The following HSPA12A variants were observed in gnomAD, a reference collection of about 807,000 sequenced individuals.
HSPA12A encodes heat shock 70 kDa protein 12A.
A neutral mutation model predicts 69.2 loss-of-function variants in HSPA12A; 28 were observed. The observed-to-expected ratio is 0.40, with a 90% CI of 0.30 to 0.55. The LOEUF is 0.55. Ranked by LOEUF, HSPA12A falls within the 20% of genes least tolerant of loss-of-function variation. HSPA12A has a pLI of 0.38. For synonymous variants in HSPA12A, 345 were observed against 370.5 expected (o/e 0.93, Z 0.79); for missense variants, 686 against 900.7 (o/e 0.76, Z 3.05).
Position 116,813,469 on chromosome 10 carries a change from G to A in HSPA12A, c.91+21466C>T, listed in dbSNP as rs570678325. 5.9e-5 allele frequency among the ~76,000 whole-genome samples: 9 copies of A among 151,872 alleles called. No homozygotes were observed. In the South Asian group the frequency reaches 1.9e-3, roughly 32 times the overall value. On this transcript the variant is annotated intron_variant, in intron 2 of 12. Coordinates refer to the HSPA12A transcript ENST00000635765. ...TCACCGTGTTAGCCAGGATGGTCTT[G>A]ATCTCCTGACCTCGTGATCCACCCG...
chr10:116,789,375 G>C (rs1198133709), intron 2 of HSPA12A, among the ~76,000 whole-genome samples: 1 of 152,094 alleles, frequency 6.6e-6, no homozygotes. Context: ...AGAAGAAAAT[G>C]TTTCTTGAAG....
chr10:116,755,032 C>A (rs576874298), intron 2 of HSPA12A, among the ~76,000 whole-genome samples: 4 of 152,276 alleles, frequency 2.6e-5, no homozygotes, highest in African/African-American at 9.6e-5. Context: ...TAGCTCCCTG[C>A]AGCCTTTGCC....
rs937274555 is a variant in HSPA12A at position 116,784,182 on chromosome 10, C to A, written c.91+50753G>T. ...GCCAATCCCATTTCCTCTTCCTGGACACACAAAAGTCACATTTCCCAGCTT... is the reference window on the plus strand; with the variant it reads ...GCCAATCCCATTTCCTCTTCCTGGAAACACAAAAGTCACATTTCCCAGCTT... On this transcript the variant is annotated intron_variant, in intron 2 of 12. Coordinates refer to the HSPA12A transcript ENST00000635765. 3.9e-5 allele frequency among the ~76,000 whole-genome samples: 6 copies of A among 152,366 alleles called. No individual in the cohort carries two copies. In the East Asian group the frequency reaches 7.7e-4, roughly 20 times the overall value.
chr10:116,784,564 A>G (rs1844535435), intron 2 of HSPA12A, among the ~76,000 whole-genome samples: 1 of 152,252 alleles, frequency 6.6e-6, no homozygotes, highest in Non-Finnish European at 1.5e-5. Context: ...GAATGAATGA[A>G]TGAATGGATG....
At position 116,784,795 on chromosome 10, in the gene HSPA12A, T is replaced by A. The variant is rs1235745951; in HGVS notation, c.91+50140A>T. 3.4e-5 allele frequency among the ~76,000 whole-genome samples: 5 copies of A among 146,014 alleles called. No individual in the cohort carries two copies. In the South Asian group the frequency reaches 1.0e-3, roughly 30 times the overall value. ...CCTTCCCTGGGATCTTTGGACTAGA[T>A]GGGATAAATAGAAATCAACATAGAC... On this transcript the variant is annotated intron_variant, in intron 2 of 12. Transcript: ENST00000635765.
chr10:116,697,988 T>C (rs912919530), intron 5 of HSPA12A, among the ~76,000 whole-genome samples: 1 of 152,194 alleles, frequency 6.6e-6, no homozygotes, highest in African/African-American at 2.4e-5. Context: ...GGTTTCTCCA[T>C]GTGGTAGGAT....
chr10:116,705,418 C>A, intron 2 of HSPA12A, 140 bp from the exon 3 acceptor site: 1 of 1,061,570 alleles, frequency 9.4e-7, no homozygotes, highest in South Asian at 1.4e-5. Context: ...TCAAGTCTAC[C>A]ACCTGGGGAG....
intron 2 of HSPA12A, among the ~76,000 whole-genome samples, chr10:116,774,873 C>G (rs782283292): frequency 7.2e-5 from 11 of 152,198 alleles, no homozygotes; most frequent in Non-Finnish European, 1.5e-4. Context: ...GGCTCCTGCA[C>G]CAGCCCCTCG....
intron 1 of HSPA12A, among the ~76,000 whole-genome samples, chr10:116,736,540 C>G (rs1851322089): frequency 6.6e-6 from 1 of 152,088 alleles, no homozygotes; most frequent in Non-Finnish European, 1.5e-5. Context: ...GAAATGATTA[C>G]ACAAGTAGGC....
chr10:116,679,454 G>T, intron 10 of HSPA12A, 49 bp downstream of exon 10: 1 of 1,600,748 alleles, frequency 6.2e-7, no homozygotes, highest in South Asian at 1.1e-5. Flanking sequence ...CCATCAGCAC[G>T]ATCCACCCGC....
intron 1 of HSPA12A, among the ~76,000 whole-genome samples, chr10:116,711,030 C>A (rs1443975163): frequency 6.6e-6 from 1 of 152,202 alleles, no homozygotes; most frequent in African/African-American, 2.4e-5. Flanking sequence ...AGAATATTAT[C>A]TATTAATCTA....
intron 2 of HSPA12A, among the ~76,000 whole-genome samples, chr10:116,770,684 G>GT (rs1349804016): frequency 1.3e-5 from 2 of 152,134 alleles, no homozygotes; most frequent in Non-Finnish European, 2.9e-5. Context: ...TGGCTGCCGG[G>GT]TTGTCCCCAC....
intron 3 of HSPA12A, among the ~76,000 whole-genome samples, chr10:116,703,076 T>G (rs1370445311): frequency 2.6e-5 from 4 of 152,326 alleles, no homozygotes; most frequent in African/African-American, 9.6e-5. Context: ...TTTTTCATCT[T>G]GGGGGTCAGT....
At chr10:116,737,225 C>A (rs912070282) in intron 1 of HSPA12A, among the ~76,000 whole-genome samples, 1 of 152,162 alleles carries the variant, frequency 6.6e-6, no homozygotes, top group Non-Finnish European at 1.5e-5. Flanking sequence ...TTAACCACTA[C>A]GCTTCCCAAA....
At chr10:116,720,944 C>A (rs10787722) in intron 1 of HSPA12A, among the ~76,000 whole-genome samples, 81,204 of 152,120 alleles carry the variant, frequency 0.53, 25,019 homozygotes, top group Middle Eastern at 0.82. Flanking sequence ...AGGGACACCC[C>A]CAGAGGCTAA....
chr10:116,696,002 C>CAAAACAAAAAAAAAAAA lies in HSPA12A; in HGVS notation c.546+2632_546+2633insTTTTTTTTTTTTGTTTT, dbSNP rs1849887531. Among the ~76,000 whole-genome samples, 3 of 32,714 alleles carry CAAAACAAAAAAAAAAAA rather than the reference C, an allele frequency of 9.2e-5. 1 individual carries two copies. The highest frequency in any genetic ancestry group is 3.1e-4 in the African/African-American group (2 of 6,480). The allele number at this position is 32,714 out of a possible 152,430, so 21.5% of individuals were successfully genotyped here. ...TGGGCAACAGAGAGAGACTCCATCT[C>CAAAACAAAAAAAAAAAA]AAAAAAAAAAAAAAAAAAAAAGGCT... On this transcript the variant is annotated intron_variant, in intron 5 of 11. Coordinates refer to ENST00000369209, the MANE Select transcript of HSPA12A (RefSeq NM_025015.3).
chr10:116,815,164 A>C (rs1189586823), intron 2 of HSPA12A, among the ~76,000 whole-genome samples: 5 of 149,832 alleles, frequency 3.3e-5, no homozygotes, highest in Non-Finnish European at 3.0e-5. Context: ...TCAGCAGCTG[A>C]TCAATCAGCC....
chr10:116,784,794 AT>A (rs11324024), intron 2 of HSPA12A, among the ~76,000 whole-genome samples: 3,147 of 152,134 alleles, frequency 0.021, 96 homozygotes, highest in African/African-American at 0.07. Context: ...TTTGGACTAG[AT>A]GGGATAAATA....
At chr10:116,781,628 T>C (rs757010362) in intron 2 of HSPA12A, among the ~76,000 whole-genome samples, 10 of 152,300 alleles carry the variant, frequency 6.6e-5, no homozygotes, top group East Asian at 5.8e-4. Flanking sequence ...ATCCGTGGTG[T>C]GGTGATTGCT....
Sources: gnomAD v4.1 joint callset for allele counts (sites outside exome capture counted in the v4.1 genomes callset) on GRCh38, gnomAD v4.1.1 for gene constraint, MANE v1.5 for transcripts, NCBI Gene and HGNC (gene_info 2026-07-23, HGNC 2026-07-21) for gene names.